PACRG: variants seen among roughly 807,000 people sequenced by gnomAD.
PACRG encodes parkin coregulated gene protein.
A neutral mutation model predicts 29.7 loss-of-function variants in PACRG; 29 were observed. That is an observed-to-expected ratio of 0.98 (90% CI 0.73 to 1.33). The LOEUF is 1.33. Among genes scored for constraint, PACRG ranks in the 40% most tolerant of loss-of-function variants. The pLI is 0.00. For synonymous variants in PACRG, 116 were observed against 118.7 expected (o/e 0.98, Z 0.15); for missense variants, 279 against 316.2 (o/e 0.88, Z 0.89).
intron 4 of PACRG, among the ~76,000 whole-genome samples, chr6:163,255,200 G>A (rs1783059561): frequency 6.6e-6 from 1 of 152,156 alleles, no homozygotes; most frequent in African/African-American, 2.4e-5. Flanking sequence ...AGAATTGTTG[G>A]TGTCACCTGG....
intron 4 of PACRG, among the ~76,000 whole-genome samples, chr6:163,294,802 G>A (rs1784732136): frequency 6.6e-6 from 1 of 152,158 alleles, no homozygotes; most frequent in Admixed American, 6.5e-5. Flanking sequence ...TGAATAATAT[G>A]TCCATTATAA....
intron 4 of PACRG, among the ~76,000 whole-genome samples, chr6:163,112,978 A>G (rs75735917): frequency 0.011 from 1,710 of 152,304 alleles, 27 homozygotes; most frequent in African/African-American, 0.032. Flanking sequence ...TACTCAAAGA[A>G]CTAAAAGAAC....
chr6:163,117,378 C>G (rs985659413), intron 4 of PACRG, among the ~76,000 whole-genome samples: 1 of 152,226 alleles, frequency 6.6e-6, no homozygotes, highest in African/African-American at 2.4e-5. Context: ...GTTTCCTACC[C>G]CAGCACTAAG....
intron 2 of PACRG, among the ~76,000 whole-genome samples, chr6:163,058,626 G>A (rs1314498779): frequency 6.6e-6 from 1 of 152,114 alleles, no homozygotes; most frequent in Non-Finnish European, 1.5e-5. Context: ...GCCAGGCGCT[G>A]TGGCTCACGC....
At chr6:163,030,336 A>G (rs1353996019) in intron 2 of PACRG, among the ~76,000 whole-genome samples, 1 of 152,222 alleles carries the variant, frequency 6.6e-6, no homozygotes, top group Non-Finnish European at 1.5e-5. Context: ...ATATAGAATT[A>G]GCCAAAATTC....
At chr6:163,273,342 G>A (rs1010740761) in intron 4 of PACRG, among the ~76,000 whole-genome samples, 1 of 152,040 alleles carries the variant, frequency 6.6e-6, no homozygotes, top group African/African-American at 2.4e-5. Context: ...AAATCTTAAG[G>A]TGTTTTTTTG....
chr6:163,205,396 C>G (rs986221519), intron 4 of PACRG, among the ~76,000 whole-genome samples: 8 of 152,004 alleles, frequency 5.3e-5, no homozygotes, highest in African/African-American at 1.9e-4. Context: ...AATAGACAGC[C>G]CAGAAATAAG....
At chr6:163,118,670 G>A (rs1816128856) in intron 4 of PACRG, among the ~76,000 whole-genome samples, 1 of 152,072 alleles carries the variant, frequency 6.6e-6, no homozygotes, top group Admixed American at 6.6e-5. Context: ...ATATATGTTT[G>A]TAAACAAATA....
chr6:163,003,015 C>T (rs1022764832), intron 2 of PACRG, among the ~76,000 whole-genome samples: 10 of 152,186 alleles, frequency 6.6e-5, no homozygotes, highest in African/African-American at 2.4e-4. Context: ...GACCCATATT[C>T]TTATGTGTCA....
intron 4 of PACRG, among the ~76,000 whole-genome samples, chr6:163,276,465 T>C (rs1177379377): frequency 6.6e-6 from 1 of 152,088 alleles, no homozygotes; most frequent in Non-Finnish European, 1.5e-5. Flanking sequence ...ATCCTCAGGG[T>C]AGAGAGGATG....
intron 4 of PACRG, among the ~76,000 whole-genome samples, chr6:163,143,236 A>C (rs1424729325): frequency 6.6e-6 from 1 of 152,154 alleles, no homozygotes; most frequent in Non-Finnish European, 1.5e-5. Context: ...TAAAAAAATA[A>C]AAAGTTCATA....
chr6:163,046,357 T>A (rs1163469018), intron 2 of PACRG, among the ~76,000 whole-genome samples: 2 of 151,580 alleles, frequency 1.3e-5, no homozygotes, highest in African/African-American at 4.8e-5. Context: ...TGGTACTTAA[T>A]CACTTGAAAT....
chr6:163,095,253 C>T (rs1814464684), intron 4 of PACRG: 1 of 985,086 alleles, frequency 1.0e-6, no homozygotes, highest in African/African-American at 1.7e-5. Flanking sequence ...ATTTTCAACC[C>T]AAATCCACTT....
At chr6:162,779,268 A>G (rs1471970230) in intron 1 of PACRG, among the ~76,000 whole-genome samples, 1 of 152,138 alleles carries the variant, frequency 6.6e-6, no homozygotes, top group Admixed American at 6.5e-5. Context: ...CATTTTCTTT[A>G]TCCAGTCTGT....
chr6:162,937,297 A>T (rs1023342782), intron 2 of PACRG, among the ~76,000 whole-genome samples: 2 of 152,234 alleles, frequency 1.3e-5, no homozygotes, highest in Non-Finnish European at 2.9e-5. Flanking sequence ...TTTAAATATC[A>T]TCTTAACATG....
chr6:162,764,168 C>T (rs989277995), intron 1 of PACRG, among the ~76,000 whole-genome samples: 8 of 151,782 alleles, frequency 5.3e-5, no homozygotes, highest in South Asian at 2.1e-4. Flanking sequence ...CCAGCTACTC[C>T]GGAGGCTGAG....
At chr6:162,940,621 G>T (rs1798550646) in intron 2 of PACRG, among the ~76,000 whole-genome samples, 1 of 152,174 alleles carries the variant, frequency 6.6e-6, no homozygotes, top group Admixed American at 6.5e-5. Flanking sequence ...AGACTTGAAA[G>T]TCCCACGTGA....
chr6:163,302,378 G>A (rs749887774), intron 4 of PACRG, among the ~76,000 whole-genome samples: 1 of 152,066 alleles, frequency 6.6e-6, no homozygotes, highest in Non-Finnish European at 1.5e-5. Context: ...TACACTTGGG[G>A]CAAAGTGGAT....
intron 2 of PACRG, among the ~76,000 whole-genome samples, chr6:162,947,635 T>C (rs1351149636): frequency 1.3e-5 from 1 of 77,832 alleles, no homozygotes; most frequent in African/African-American, 5.1e-5. Flanking sequence ...TATATATATA[T>C]ATATATATAT....
Sources: gnomAD v4.1 joint callset for allele counts (sites outside exome capture counted in the v4.1 genomes callset) on GRCh38, gnomAD v4.1.1 for gene constraint, MANE v1.5 for transcripts, NCBI Gene and HGNC (gene_info 2026-07-23, HGNC 2026-07-21) for gene names.